The following SCN11A variants were observed in gnomAD, a reference collection of about 807,000 sequenced individuals.
The protein encoded by SCN11A is sodium channel protein type 11 subunit alpha.
In SCN11A, 122 loss-of-function variants were observed where a neutral mutation model predicts 162.2. The observed-to-expected ratio is 0.75, with a 90% CI of 0.65 to 0.87. SCN11A has a LOEUF of 0.87. Ranked by LOEUF, SCN11A falls within the 40% of genes least tolerant of loss-of-function variation. The pLI, the probability that SCN11A is intolerant of heterozygous loss-of-function variation, is 0.00. For synonymous variants in SCN11A, 758 were observed against 751.5 expected, an observed-to-expected ratio of 1.01 and a Z score of -0.14; for missense variants, 2,015 against 2,181.6, an observed-to-expected ratio of 0.92 and a Z score of 1.52.
In SCN11A at chr3:38,872,220, A is replaced by G; in HGVS notation, c.3468T>C (p.Arg1156=). 1 of 1,608,514 alleles carries G rather than the reference A, an allele frequency of 6.2e-7. No individual in the cohort carries two copies. The highest frequency in any genetic ancestry group is 8.5e-7 in the Non-Finnish European group (1 of 1,175,072). ...TCATTCCTTCAAACTGGGACAGCGC[A>G]CGAAGAGGCCTCAGTGCTCGTAGAG... is the stretch of plus-strand genomic sequence containing the variant. ...FRTLRALRPL[R]ALSQFEGMKV... Residue 1156 remains arginine (R), a synonymous_variant, in exon 24 of 30, where the codon CGT becomes CGC. Transcript: ENST00000302328.
At chr3:38,996,379 G>A (rs889219378) in intron 2 of SCN11A, among the ~76,000 whole-genome samples, 1 of 152,108 alleles carries the variant, frequency 6.6e-6, no homozygotes, top group African/African-American at 2.4e-5. Context: ...CCTTTTCAAG[G>A]ATGAGTGTAT....
rs554166447 is a variant in SCN11A at position 38,933,211 on chromosome 3, A to G, written c.489-6280T>C. 5.3e-4 allele frequency among the ~76,000 whole-genome samples: 80 copies of G among 152,318 alleles called. 1 individual carries two copies. In the East Asian group the frequency reaches 0.012, roughly 23 times the overall value. ...ACAAACAGAAAGGACACCCACACCA[A>G]AAACCCATCTGTACATCACCATCAT... is the stretch of plus-strand genomic sequence containing the variant. On this transcript the variant is annotated intron_variant, in intron 7 of 29. Coordinates refer to ENST00000302328, the MANE Select transcript of SCN11A (RefSeq NM_001349253.2).
At chr3:38,851,284 C>T (rs60436693) in intron 28 of SCN11A, among the ~76,000 whole-genome samples, 2 of 151,972 alleles carry the variant, frequency 1.3e-5, no homozygotes, top group Non-Finnish European at 2.9e-5. Context: ...TTCTTCAATG[C>T]CAATTTTAAA....
intron 16 of SCN11A, among the ~76,000 whole-genome samples, chr3:38,901,177 T>C (rs1024478415): frequency 6.6e-6 from 1 of 152,198 alleles, no homozygotes; most frequent in African/African-American, 2.4e-5. Flanking sequence ...TTATAAATGA[T>C]TCAATGATTT....
At chr3:39,049,133 A>G (rs1194987872) in intron 1 of SCN11A, among the ~76,000 whole-genome samples, 1 of 152,270 alleles carries the variant, frequency 6.6e-6, no homozygotes, top group Non-Finnish European at 1.5e-5. Flanking sequence ...TAAAAGGAAC[A>G]GGAAAAAAGA....
intron 3 of SCN11A, among the ~76,000 whole-genome samples, chr3:38,959,821 C>T (rs1198018058): frequency 6.6e-6 from 1 of 152,220 alleles, no homozygotes; most frequent in Non-Finnish European, 1.5e-5. Context: ...TGAAATTGAT[C>T]TCAATTCAAA....
intron 2 of SCN11A, among the ~76,000 whole-genome samples, chr3:39,021,916 G>A (rs1049595466): frequency 6.6e-6 from 1 of 152,098 alleles, no homozygotes; most frequent in African/African-American, 2.4e-5. Context: ...TGATGGGATC[G>A]GGGGTTCAGA....
chr3:38,996,923 A>C (rs1350012290), intron 2 of SCN11A, among the ~76,000 whole-genome samples: 1 of 152,020 alleles, frequency 6.6e-6, no homozygotes, highest in African/African-American at 2.4e-5. Context: ...GATAAATGTT[A>C]ATTCTTCCTT....
chr3:38,975,589 T>A (rs2066845236), intron 2 of SCN11A, among the ~76,000 whole-genome samples: 1 of 152,240 alleles, frequency 6.6e-6, no homozygotes, highest in African/African-American at 2.4e-5. Flanking sequence ...TTCAACTTCT[T>A]TAGCAAGCTG....
chr3:38,966,597 T>C (rs1214509966), intron 2 of SCN11A, among the ~76,000 whole-genome samples: 2 of 152,228 alleles, frequency 1.3e-5, no homozygotes, highest in Non-Finnish European at 2.9e-5. Context: ...ATTATTTGTA[T>C]GTGTTGGGAA....
intron 16 of SCN11A, among the ~76,000 whole-genome samples, chr3:38,901,604 G>A (rs564435156): frequency 6.6e-6 from 1 of 152,240 alleles, no homozygotes; most frequent in South Asian, 2.1e-4. Context: ...TAATTTTCTA[G>A]TCCAGTCCTG....
Position 38,894,689 on chromosome 3 carries a change from G to A in SCN11A, c.2679C>T (p.Thr893=), listed in dbSNP as rs1172020537. The change falls in exon 19 of 30, where the codon ACC becomes ACT. Residue 893 remains threonine (T), a synonymous_variant. Transcript: ENST00000302328. ...LVMEMKRGSE[T]QEELGILTSV... The stretch of plus-strand genomic sequence containing the variant: ...AGGTTAGTATACCAAGCTCCTCCTG[G>A]GTCTCTGAGCCCCTTTTCATCTCCA... 6.2e-7 allele frequency: 1 copy of A among 1,614,098 alleles called. No homozygotes were observed. The highest frequency in any genetic ancestry group is 1.7e-5 in the Admixed American group (1 of 60,016).
At chr3:38,950,472 T>A in intron 4 of SCN11A, 103 bp from the exon 5 acceptor site, 2 of 1,245,818 alleles carry the variant, frequency 1.6e-6, no homozygotes, top group Non-Finnish European at 2.3e-6. Flanking sequence ...GTCATAAGGA[T>A]CTACAAAAGC....
chr3:38,976,193 C>A (rs1161797537), intron 2 of SCN11A, among the ~76,000 whole-genome samples: 1 of 152,074 alleles, frequency 6.6e-6, no homozygotes, highest in Non-Finnish European at 1.5e-5. Context: ...CAGTTACATG[C>A]TTGTTATGAG....
chr3:38,908,738 T>TTAGAAGG (rs2125536751), intron 13 of SCN11A, among the ~76,000 whole-genome samples: 2 of 152,304 alleles, frequency 1.3e-5, no homozygotes, highest in South Asian at 4.1e-4. Flanking sequence ...AGGGCATGTC[T>TTAGAAGG]TAGAAGGCTT....
intron 2 of SCN11A, among the ~76,000 whole-genome samples, chr3:38,962,220 G>T (rs1326113075): frequency 6.6e-6 from 1 of 152,146 alleles, no homozygotes; most frequent in East Asian, 1.9e-4. Flanking sequence ...TGTTCCATAG[G>T]TATATGTGCT....
intron 2 of SCN11A, among the ~76,000 whole-genome samples, chr3:38,975,235 G>A (rs1302994263): frequency 1.3e-5 from 2 of 151,872 alleles, no homozygotes; most frequent in Non-Finnish European, 2.9e-5. Context: ...TATACTTCAA[G>A]CAGAAGAAAA....
At chr3:38,867,510 T>G (rs1483334250) in intron 26 of SCN11A, 52 bp from the exon 27 acceptor site, 1 of 1,418,368 alleles carries the variant, frequency 7.1e-7, no homozygotes, top group Non-Finnish European at 9.8e-7. Flanking sequence ...GAGAAAAATA[T>G]AAGCATTCTA....
chr3:38,936,669 G>A (rs922093575), intron 7 of SCN11A, among the ~76,000 whole-genome samples: 50 of 151,978 alleles, frequency 3.3e-4, no homozygotes, highest in Admixed American at 2.0e-3. Context: ...TACAAGGGAC[G>A]TGAAGGACCT....
Sources: allele counts gnomAD v4.1 joint callset (sites outside exome capture counted in the v4.1 genomes callset), GRCh38; gene constraint gnomAD v4.1.1; transcripts MANE v1.5; gene names NCBI Gene and HGNC (gene_info 2026-07-23, HGNC 2026-07-21).